Variants in SCN8A observed in about 807,000 individuals in gnomAD.
SCN8A encodes the protein sodium channel protein type 8 subunit alpha.
SCN8A carries 30 observed loss-of-function variants against 184.1 expected under a neutral mutation model. The observed-to-expected ratio is 0.16, with a 90% CI of 0.12 to 0.22. SCN8A has a LOEUF of 0.22. Ranked by LOEUF, SCN8A falls within the 10% of genes least tolerant of loss-of-function variation. SCN8A has a pLI of 1.00. For synonymous variants in SCN8A, 852 were observed against 907.0 expected, an observed-to-expected ratio of 0.94 and a Z score of 1.09; for missense variants, 1,057 against 2,498.9, an observed-to-expected ratio of 0.42 and a Z score of 12.30.
chr12:51,798,154 G>A (rs1938458694), intron 26 of SCN8A, among the ~76,000 whole-genome samples: 2 of 152,194 alleles, frequency 1.3e-5, no homozygotes, highest in Non-Finnish European at 1.5e-5. Context: ...GACTTCAAAA[G>A]GCCATTCCAC....
intron 14 of SCN8A, among the ~76,000 whole-genome samples, chr12:51,759,521 AT>A (rs1466682983): frequency 6.6e-6 from 1 of 152,180 alleles, no homozygotes; most frequent in African/African-American, 2.4e-5. Flanking sequence ...AAACTTATGA[AT>A]TGTTTTTCTA....
At chr12:51,702,058 T>A (rs910375120) in intron 8 of SCN8A, among the ~76,000 whole-genome samples, 1 of 152,008 alleles carries the variant, frequency 6.6e-6, no homozygotes, top group African/African-American at 2.4e-5. Context: ...GCGCGGTGGC[T>A]CACGCTTGTA....
intron 11 of SCN8A, chr12:51,712,953 A>G (rs1317782698): frequency 6.3e-7 from 1 of 1,592,204 alleles, no homozygotes; most frequent in Non-Finnish European, 8.6e-7. Context: ...TGCCAGATCC[A>G]CCTCCACGAC....
At chr12:51,773,299 C>T (rs551538414) in intron 19 of SCN8A, among the ~76,000 whole-genome samples, 1 of 152,330 alleles carries the variant, frequency 6.6e-6, no homozygotes, top group East Asian at 1.9e-4. Context: ...CAATTCCCTC[C>T]TCTTGGCACC....
At chr12:51,790,285 T>C (rs935253203) in intron 24 of SCN8A, 113 bp from the exon 25 acceptor site, 2 of 647,110 alleles carry the variant, frequency 3.1e-6, no homozygotes, top group Non-Finnish European at 5.2e-6. Flanking sequence ...AGCTATTAGC[T>C]ACAAAGGAAA....
At chr12:51,789,519 A>G in intron 24 of SCN8A, 101 bp downstream of exon 24, 1 of 1,296,830 alleles carries the variant, frequency 7.7e-7, no homozygotes, top group East Asian at 2.3e-5. Flanking sequence ...TTCTTTCTCT[A>G]AAATCTATAT....
intron 6 of SCN8A, among the ~76,000 whole-genome samples, chr12:51,691,109 C>G (rs1015455602): frequency 3.3e-5 from 5 of 152,078 alleles, no homozygotes; most frequent in Non-Finnish European, 7.4e-5. Flanking sequence ...CTTTACTTTC[C>G]TTTTTCCTAT....
chr12:51,741,865 C>G (rs557520075), intron 12 of SCN8A, among the ~76,000 whole-genome samples: 2 of 151,964 alleles, frequency 1.3e-5, no homozygotes, highest in African/African-American at 4.8e-5. Flanking sequence ...CCACCACGCC[C>G]GGCTAATTTT....
intron 1 of SCN8A, among the ~76,000 whole-genome samples, chr12:51,640,163 G>C (rs1217740214): frequency 1.6e-5 from 2 of 128,960 alleles, no homozygotes; most frequent in Non-Finnish European, 3.1e-5. Context: ...CTCCTGCCTT[G>C]ACCTCACAAA....
chr12:51,610,824 A>G (rs997686794), intron 1 of SCN8A, among the ~76,000 whole-genome samples: 2 of 152,190 alleles, frequency 1.3e-5, no homozygotes, highest in African/African-American at 4.8e-5. Flanking sequence ...ACAGCTGTTA[A>G]GATTCTTTCC....
intron 11 of SCN8A, among the ~76,000 whole-genome samples, chr12:51,707,895 C>T (rs980004112): frequency 3.3e-5 from 5 of 152,120 alleles, no homozygotes; most frequent in African/African-American, 1.2e-4. Flanking sequence ...GTTTTCCAGG[C>T]CCATCCCTGC....
chr12:51,780,561 CTTTCTTTTTTTT>C (rs1937870293), intron 20 of SCN8A, 76 bp from the exon 21 acceptor site: 2 of 457,856 alleles, frequency 4.4e-6, no homozygotes, highest in South Asian at 1.4e-4. Flanking sequence ...CCTCTGTTTT[CTTTCTTTTTTTT>C]TTTTTTTTTT....
At chr12:51,764,326 C>T (rs1942805082) in intron 15 of SCN8A, among the ~76,000 whole-genome samples, 1 of 152,168 alleles carries the variant, frequency 6.6e-6, no homozygotes, top group South Asian at 2.1e-4. Flanking sequence ...ACTGCCATAG[C>T]CTTTATGCGT....
chr12:51,595,849 A>G (rs1289205680), intron 1 of SCN8A, among the ~76,000 whole-genome samples: 1 of 152,240 alleles, frequency 6.6e-6, no homozygotes, highest in Non-Finnish European at 1.5e-5. Flanking sequence ...AGTCTGGCAT[A>G]GAGGATGGAA....
chr12:51,737,929 C>T (rs561535128), intron 12 of SCN8A, among the ~76,000 whole-genome samples: 11 of 152,262 alleles, frequency 7.2e-5, no homozygotes, highest in African/African-American at 2.2e-4. Context: ...AAAATGTTGG[C>T]GCTATGTGCC....
rs140330186 is a variant in SCN8A at position 51,601,796 on chromosome 12, C to T, written c.-55+10437C>T. Among the ~76,000 whole-genome samples the T allele has an allele frequency of 2.7e-3, 410 of 151,660 alleles. 1 individual carries two copies. Among genetic ancestry groups the T allele is most frequent in the Middle Eastern group, 0.017 (5 of 294 alleles). On this transcript the variant is annotated intron_variant, in intron 1 of 26. Transcript: ENST00000627620. ...GTCAAATGGGGATGTCACTTACATG[C>T]CCCACTTGGGCTCTACCCTGGAGCC...
chr12:51,660,823 G>T (rs1204726934), intron 1 of SCN8A, among the ~76,000 whole-genome samples: 1 of 152,190 alleles, frequency 6.6e-6, no homozygotes, highest in Non-Finnish European at 1.5e-5. Context: ...GTGGAGTGCT[G>T]TAGGAGTGTA....
chr12:51,735,027 G>A (rs1363110642), intron 12 of SCN8A, among the ~76,000 whole-genome samples: 2 of 152,182 alleles, frequency 1.3e-5, no homozygotes, highest in South Asian at 4.1e-4. Flanking sequence ...GAGTGTCTTT[G>A]TAGATGGTTT....
Position 51,720,216 on chromosome 12 carries a change from A to G in SCN8A, c.1636-1330A>G, listed in dbSNP as rs190203984. On this transcript the variant is annotated intron_variant, in intron 11 of 26. Transcript: ENST00000627620. ...TTTGAGAATTATATACTTTACAACT[A>G]TGTAAACTTTTGATGAAAAAAATAT... Among the ~76,000 whole-genome samples, 1,302 of 150,858 alleles carry G rather than the reference A, an allele frequency of 8.6e-3. 15 individuals are homozygous for G. The highest frequency in any genetic ancestry group is 0.03 in the African/African-American group (1,243 of 41,026).
Sources: gnomAD v4.1 joint callset for allele counts (sites outside exome capture counted in the v4.1 genomes callset) on GRCh38, gnomAD v4.1.1 for gene constraint, MANE v1.5 for transcripts, NCBI Gene and HGNC (gene_info 2026-07-23, HGNC 2026-07-21) for gene names.